The following CAMK1D variants were observed in gnomAD, a reference collection of about 807,000 sequenced individuals.
CAMK1D encodes the protein calcium/calmodulin dependent protein kinase ID, also known as calcium/calmodulin-dependent protein kinase type 1D.
In CAMK1D, 9 loss-of-function variants were observed where a neutral mutation model predicts 47.7. The ratio of observed to expected loss-of-function variants is 0.19; its 90% CI spans 0.11 to 0.33. CAMK1D has a LOEUF of 0.33. Ranked by LOEUF, CAMK1D falls within the 10% of genes least tolerant of loss-of-function variation. The probability of loss-of-function intolerance (pLI) is 1.00; values close to 1 mark genes in which losing one functional copy is unlikely to be tolerated. For missense variants in CAMK1D, 291 were observed against 488.7 expected (o/e 0.60, Z 3.81); for synonymous variants, 184 against 184.9 (o/e 0.99, Z 0.04).
intron 1 of CAMK1D, among the ~76,000 whole-genome samples, chr10:12,497,418 A>C (rs1834573877): frequency 6.7e-6 from 1 of 149,776 alleles, no homozygotes; most frequent in African/African-American, 2.5e-5. Context: ...AGGAAGTTGC[A>C]GTGAACCGAG....
intron 3 of CAMK1D, among the ~76,000 whole-genome samples, chr10:12,753,844 A>T (rs1414063713): frequency 2.0e-5 from 3 of 152,052 alleles, no homozygotes; most frequent in Non-Finnish European, 4.4e-5. Flanking sequence ...TTGGCTGCCC[A>T]CTGGGCTTCT....
chr10:12,398,235 C>T (rs553515621), intron 1 of CAMK1D, among the ~76,000 whole-genome samples: 2 of 151,992 alleles, frequency 1.3e-5, no homozygotes, highest in South Asian at 2.1e-4. Flanking sequence ...ATATTCTATT[C>T]TCATAGAATT....
chr10:12,662,386 G>A (rs1424503671), intron 2 of CAMK1D, among the ~76,000 whole-genome samples: 3 of 152,158 alleles, frequency 2.0e-5, no homozygotes, highest in African/African-American at 7.2e-5. Context: ...GGGTTCAATG[G>A]CTCACGCCTG....
At chr10:12,406,497 A>G (rs1012889794) in intron 1 of CAMK1D, among the ~76,000 whole-genome samples, 1 of 152,020 alleles carries the variant, frequency 6.6e-6, no homozygotes, top group Non-Finnish European at 1.5e-5. Context: ...ATTTGAGCTC[A>G]GGAGTTCGAG....
At chr10:12,597,121 T>TG (rs1838169017) in intron 2 of CAMK1D, among the ~76,000 whole-genome samples, 1 of 152,130 alleles carries the variant, frequency 6.6e-6, no homozygotes, top group African/African-American at 2.4e-5. Context: ...TGTAACCTTG[T>TG]GGGGAAGCTT....
intron 1 of CAMK1D, among the ~76,000 whole-genome samples, chr10:12,451,017 C>T (rs966690209): frequency 1.1e-4 from 16 of 152,014 alleles, no homozygotes; most frequent in African/African-American, 3.6e-4. Context: ...GTAAGAGGTG[C>T]GGTGCTGGGT....
At chr10:12,624,974 C>T (rs1839160896) in intron 2 of CAMK1D, among the ~76,000 whole-genome samples, 1 of 148,968 alleles carries the variant, frequency 6.7e-6, no homozygotes, top group Non-Finnish European at 1.5e-5. Flanking sequence ...TCCTTCTCTT[C>T]CTCCTTCTCC....
intron 1 of CAMK1D, among the ~76,000 whole-genome samples, chr10:12,394,582 G>T (rs775678100): frequency 6.6e-6 from 1 of 152,118 alleles, no homozygotes; most frequent in Non-Finnish European, 1.5e-5. Context: ...AAGGGCTTTC[G>T]GAGGTCTGTG....
chr10:12,640,026 A>G (rs1249514630), intron 2 of CAMK1D, among the ~76,000 whole-genome samples: 1 of 152,200 alleles, frequency 6.6e-6, no homozygotes, highest in Non-Finnish European at 1.5e-5. Context: ...TTGTAATGTC[A>G]TGTTCTACGA....
intron 1 of CAMK1D, among the ~76,000 whole-genome samples, chr10:12,494,700 G>A (rs1159292683): frequency 6.6e-6 from 1 of 152,180 alleles, no homozygotes; most frequent in East Asian, 1.9e-4. Context: ...GAGTAGCTGG[G>A]ACTACAGGCA....
chr10:12,772,324 C>G lies in CAMK1D; in HGVS notation c.565+2525C>G, dbSNP rs80043716. On this transcript the variant is annotated intron_variant, in intron 5 of 10. Coordinates refer to ENST00000619168, the MANE Select transcript of CAMK1D (RefSeq NM_153498.4). ...CCCAGACATTAGAAAATGAAAAGGT[C>G]TGTTAGGTCATGATGCTGGTTCTCT... 4.6e-5 allele frequency among the ~76,000 whole-genome samples: 7 copies of G among 152,228 alleles called. No homozygotes were observed. In the East Asian group the frequency reaches 1.4e-3, roughly 29 times the overall value.
chr10:12,769,149 C>T (rs1342039708), intron 4 of CAMK1D, among the ~76,000 whole-genome samples: 2 of 152,200 alleles, frequency 1.3e-5, no homozygotes, highest in Non-Finnish European at 2.9e-5. Context: ...GATGGCATCC[C>T]TCTGCTTTCC....
At chr10:12,540,005 C>T (rs1836112789) in intron 1 of CAMK1D, among the ~76,000 whole-genome samples, 2 of 152,136 alleles carry the variant, frequency 1.3e-5, no homozygotes, top group Admixed American at 1.3e-4. Flanking sequence ...CTTTGAACTC[C>T]TGGGCTCAGG....
intron 2 of CAMK1D, among the ~76,000 whole-genome samples, chr10:12,641,197 G>T (rs939507622): frequency 1.3e-5 from 2 of 152,190 alleles, no homozygotes; most frequent in Non-Finnish European, 2.9e-5. Flanking sequence ...TCGAACGCCT[G>T]ATGTCAGGTG....
chr10:12,567,287 C>T (rs1837154838), intron 2 of CAMK1D, among the ~76,000 whole-genome samples: 1 of 152,170 alleles, frequency 6.6e-6, no homozygotes, highest in Non-Finnish European at 1.5e-5. Flanking sequence ...CCTGTTTGAT[C>T]CTTTGCTTTC....
intron 6 of CAMK1D, among the ~76,000 whole-genome samples, chr10:12,807,393 C>T (rs941942959): frequency 1.3e-5 from 2 of 151,022 alleles, no homozygotes; most frequent in African/African-American, 4.9e-5. Flanking sequence ...GGAGATCTCT[C>T]CTCCCGGCCC....
intron 1 of CAMK1D, among the ~76,000 whole-genome samples, chr10:12,355,933 G>T (rs1294937488): frequency 1.3e-5 from 2 of 152,250 alleles, no homozygotes; most frequent in East Asian, 3.9e-4. Flanking sequence ...GGGGATGTGT[G>T]GGGTGGGGTG....
In CAMK1D at chr10:12,701,766, G is replaced by A. The variant is rs142088485; in HGVS notation, c.299+34956G>A. Among the ~76,000 whole-genome samples, 13 of 152,240 alleles carry A rather than the reference G, an allele frequency of 8.5e-5. No homozygotes were observed. The East Asian group carries it at 1.3e-3, about 16-fold the overall frequency. On this transcript the variant is annotated intron_variant, in intron 3 of 10. Transcript: ENST00000619168. ...AAGGAAATCTATGGTTCTTTTCTCC[G>A]AGAGTGGTTACATTCCAGATCTTAG...
chr10:12,663,683 A>G (rs1840344881), intron 2 of CAMK1D, among the ~76,000 whole-genome samples: 1 of 152,168 alleles, frequency 6.6e-6, no homozygotes, highest in Admixed American at 6.5e-5. Flanking sequence ...CCCAACAGAT[A>G]TTTATTGAAT....
Sources: allele counts gnomAD v4.1 joint callset (sites outside exome capture counted in the v4.1 genomes callset), GRCh38; gene constraint gnomAD v4.1.1; transcripts MANE v1.5; gene names NCBI Gene and HGNC (gene_info 2026-07-23, HGNC 2026-07-21).